SYNPO2: variants seen among roughly 807,000 people sequenced by gnomAD.
The protein encoded by SYNPO2 is synaptopodin 2, also known as synaptopodin-2.
A neutral mutation model predicts 85.0 loss-of-function variants in SYNPO2; 56 were observed. The observed-to-expected ratio is 0.66, with a 90% CI of 0.53 to 0.82. The LOEUF is 0.82. SYNPO2 is among the 40% of genes least tolerant of loss of function. The pLI, the probability that SYNPO2 is intolerant of heterozygous loss-of-function variation, is 0.00. For synonymous variants in SYNPO2, 602 were observed against 591.1 expected (o/e 1.02, Z -0.27); for missense variants, 1,575 against 1,534.2 (o/e 1.03, Z -0.44).
chr4:118,978,014 C>T lies in SYNPO2; in HGVS notation c.106-45416C>T, dbSNP rs146817518. On this transcript the variant is annotated intron_variant, in intron 1 of 4. Coordinates refer to ENST00000307142, the MANE Select transcript of SYNPO2 (RefSeq NM_133477.3). Reference sequence around the variant, plus strand: ...CATAGTTTTGTTGTTATCAAGTTGCCGTTGCATGAATATTTTATGAGGGAA... The same window carrying T: ...CATAGTTTTGTTGTTATCAAGTTGCTGTTGCATGAATATTTTATGAGGGAA... 6.5e-3 allele frequency among the ~76,000 whole-genome samples: 993 copies of T among 152,134 alleles called. 5 individuals carry two copies. The highest frequency in any genetic ancestry group is 9.0e-3 in the Non-Finnish European group (610 of 68,008).
intron 1 of SYNPO2, among the ~76,000 whole-genome samples, chr4:119,021,256 G>T (rs1478691469): frequency 6.6e-6 from 1 of 152,120 alleles, no homozygotes; most frequent in African/African-American, 2.4e-5. Context: ...CATTTAAAAT[G>T]AACCTCTAGA....
chr4:118,998,489 TCAGTAAACCAGAGTTAAAA>T (rs1736701027), intron 1 of SYNPO2, among the ~76,000 whole-genome samples: 1 of 152,220 alleles, frequency 6.6e-6, no homozygotes, highest in Non-Finnish European at 1.5e-5. Flanking sequence ...CCAGAGAATT[TCAGTAAACCAGAGTTAAAA>T]CAGGCAAGTT....
rs541716827 is a variant in SYNPO2 at position 118,923,422 on chromosome 4, C to A, written c.105+34281C>A. Among the ~76,000 whole-genome samples, 745 of 152,040 alleles carry A rather than the reference C, an allele frequency of 4.9e-3. 6 individuals are homozygous for A. The highest frequency in any genetic ancestry group is 0.016 in the African/African-American group (658 of 41,496). The stretch of plus-strand genomic sequence containing the variant: ...ATGGATTGGGGAGGAGAGAGAGAAT[C>A]AAAAAACTACCTACCAGGTACTGTG... On this transcript the variant is annotated intron_variant, in intron 1 of 4. Transcript: ENST00000307142.
intron 1 of SYNPO2, among the ~76,000 whole-genome samples, chr4:118,993,244 GTGTT>G (rs1736475209): frequency 6.6e-6 from 1 of 152,072 alleles, no homozygotes; most frequent in African/African-American, 2.4e-5. Flanking sequence ...GCACGTGTGT[GTGTT>G]TGTAGTTATT....
At chr4:118,939,694 G>T (rs1436631095) in intron 1 of SYNPO2, among the ~76,000 whole-genome samples, 3 of 152,112 alleles carry the variant, frequency 2.0e-5, no homozygotes, top group Non-Finnish European at 2.9e-5. Flanking sequence ...AATGCATCAT[G>T]ACTTTTAAAT....
intron 4 of SYNPO2, chr4:119,043,442 T>C (rs1442903624): frequency 6.6e-6 from 1 of 152,218 alleles, no homozygotes; most frequent in Non-Finnish European, 1.5e-5. Flanking sequence ...GTGAAAAAAT[T>C]GTTTAACAAT....
chr4:118,863,634 T>C (rs913412570), intron 1 of SYNPO2, among the ~76,000 whole-genome samples: 3 of 152,098 alleles, frequency 2.0e-5, no homozygotes, highest in Admixed American at 6.5e-5. Flanking sequence ...TTTTTTGAGA[T>C]AGAGCCTTGC....
chr4:118,899,850 C>A (rs961246720), intron 1 of SYNPO2, among the ~76,000 whole-genome samples: 2 of 152,208 alleles, frequency 1.3e-5, no homozygotes, highest in Non-Finnish European at 2.9e-5. Flanking sequence ...CAACCTCTGC[C>A]TCCCAGGTTC....
chr4:118,994,006 A>C (rs940607857), intron 1 of SYNPO2, among the ~76,000 whole-genome samples: 4 of 152,222 alleles, frequency 2.6e-5, no homozygotes, highest in Admixed American at 1.3e-4. Context: ...TGAGCTGATT[A>C]ATAGTTCCTT....
In SYNPO2 at chr4:118,870,555, T is replaced by C. The variant is rs142596095; in HGVS notation, c.12+19615T>C. 7.8e-3 allele frequency among the ~76,000 whole-genome samples: 1,182 copies of C among 152,348 alleles called. 14 individuals carry two copies. Among genetic ancestry groups the C allele is most frequent in the African/African-American group, 0.027 (1,112 of 41,588 alleles). ...TATATTCCTTTGTGTATATACCCAG[T>C]AATGGGATTGCTGGGTCAAATGGCA... On this transcript the variant is annotated intron_variant, in intron 1 of 4. Coordinates refer to the SYNPO2 transcript ENST00000610556.
rs1266558412 is a variant in SYNPO2, at chr4:119,031,114, G to T, written c.2339G>T (p.Trp780Leu). Residue 780 changes from tryptophan (W) to leucine (L), a missense_variant, in exon 4 of 5, where the codon TGG becomes TTG. Trp to Leu is a moderately conservative substitution (Grantham distance 61). Transcript: ENST00000307142. The part of the protein sequence containing the change: ...SQPVTPVSPV[W>L]SPGVAPTQPP... ...CCAGTAACTCCAGTTTCCCCAGTCT[G>T]GTCTCCAGGAGTGGCTCCCACCCAA... 4 of 1,614,064 alleles carry T rather than the reference G, an allele frequency of 2.5e-6. No homozygotes were observed. The highest frequency in any genetic ancestry group is 2.2e-5 in the East Asian group (1 of 44,872).
At chr4:119,013,691 C>T (rs1737415756) in intron 1 of SYNPO2, among the ~76,000 whole-genome samples, 2 of 152,154 alleles carry the variant, frequency 1.3e-5, no homozygotes, top group South Asian at 4.1e-4. Context: ...CTGATGAGAT[C>T]ATTGGTGGTA....
chr4:118,993,443 A>G (rs552575145), intron 1 of SYNPO2, among the ~76,000 whole-genome samples: 2 of 152,346 alleles, frequency 1.3e-5, no homozygotes, highest in South Asian at 2.1e-4. Context: ...TTAAAAGTCA[A>G]TGGAGAAATA....
intron 1 of SYNPO2, among the ~76,000 whole-genome samples, chr4:118,912,643 A>C (rs868322927): frequency 7.2e-5 from 11 of 152,110 alleles, no homozygotes; most frequent in African/African-American, 2.4e-4. Context: ...TTTTCCCTCT[A>C]ATTATCCTTC....
At chr4:118,919,750 A>G (rs1203550676) in intron 1 of SYNPO2, among the ~76,000 whole-genome samples, 1 of 152,190 alleles carries the variant, frequency 6.6e-6, no homozygotes, top group Non-Finnish European at 1.5e-5. Context: ...AATCACAGAA[A>G]GTGTTCGAGG....
In SYNPO2 at chr4:119,030,350, C is replaced by T; in HGVS notation, c.1575C>T (p.Ala525=). 6.2e-7 allele frequency: 1 copy of T among 1,614,034 alleles called. No homozygotes were observed. Among genetic ancestry groups the T allele is most frequent in the Non-Finnish European group, 8.5e-7 (1 of 1,180,010 alleles). Residue 525 remains alanine, a synonymous_variant, in exon 4 of 5, where the codon GCC becomes GCT. Transcript: ENST00000307142. ...GGTPSREQDA[A]QTDGLRTTTS... is the part of the protein sequence containing the mutation. ...CGCCAAGCAGAGAACAAGATGCTGC[C>T]CAGACCGATGGCCTGAGAACCACGA...
intron 1 of SYNPO2, among the ~76,000 whole-genome samples, chr4:118,868,765 G>A (rs1731746770): frequency 6.6e-6 from 1 of 152,198 alleles, no homozygotes; most frequent in South Asian, 2.1e-4. Context: ...AAGGAAAATG[G>A]AAGGAAATAC....
At chr4:119,025,208 C>G (rs1167283983) in intron 2 of SYNPO2, among the ~76,000 whole-genome samples, 1 of 152,198 alleles carries the variant, frequency 6.6e-6, no homozygotes. Context: ...CTCTTCTCAG[C>G]TTCACAATTG....
rs773307460 is a variant in SYNPO2, at chr4:119,031,174, G to A, written c.2399G>A (p.Gly800Asp). 1.9e-5 allele frequency: 30 copies of A among 1,613,880 alleles called. No homozygotes were observed. Among genetic ancestry groups the A allele is most frequent in the Non-Finnish European group, 2.5e-5 (30 of 1,179,992 alleles). ...PAFPTSNPSK[G>D]TVVSSIKIAQ... is the part of the protein sequence containing the mutation. ...TTCCCCACATCCAACCCATCAAAGG[G>A]CACCGTTGTCTCCTCCATCAAAATA... Residue 800 changes from glycine (G) to aspartate (D), a missense_variant, in exon 4 of 5, where the codon GGC (glycine) becomes GAC (aspartate). Physicochemically the swap from Gly to Asp is moderately conservative, Grantham distance 94. Transcript: ENST00000307142.
Sources: allele counts gnomAD v4.1 joint callset (sites outside exome capture counted in the v4.1 genomes callset), GRCh38; gene constraint gnomAD v4.1.1; transcripts MANE v1.5; gene names NCBI Gene and HGNC (gene_info 2026-07-23, HGNC 2026-07-21).